Variants in ADGRB3 observed in about 807,000 individuals in gnomAD.
ADGRB3 encodes adhesion G protein-coupled receptor B3, also known as brain-specific angiogenesis inhibitor 3.
A neutral mutation model predicts 193.4 loss-of-function variants in ADGRB3; 37 were observed. The ratio of observed to expected loss-of-function variants is 0.19; its 90% CI spans 0.15 to 0.25. The LOEUF (loss-of-function observed/expected upper bound fraction) is 0.25, where lower values mean the gene tolerates loss of function less well. Among genes scored for constraint, ADGRB3 ranks in the 10% least tolerant of loss-of-function variants. ADGRB3 has a pLI of 1.00. For synonymous variants in ADGRB3, 690 were observed against 644.2 expected (o/e 1.07, Z -1.08); for missense variants, 1,637 against 1,852.9 (o/e 0.88, Z 2.14).
chr6:68,914,012 G>A (rs1436949258), intron 3 of ADGRB3, among the ~76,000 whole-genome samples: 3 of 151,108 alleles, frequency 2.0e-5, no homozygotes, highest in African/African-American at 4.9e-5. Flanking sequence ...AAAAAGAAAC[G>A]AACAAAGCCT....
chr6:68,832,365 C>A (rs1289888577), intron 3 of ADGRB3, among the ~76,000 whole-genome samples: 1 of 151,484 alleles, frequency 6.6e-6, no homozygotes, highest in South Asian at 2.1e-4. Context: ...TCATTTTTTT[C>A]TTTGCTTCAT....
intron 3 of ADGRB3, among the ~76,000 whole-genome samples, chr6:68,842,580 C>G: frequency 6.6e-6 from 1 of 151,848 alleles, no homozygotes; most frequent in East Asian, 1.9e-4. Context: ...CTGCATTTTA[C>G]AAAACATTTA....
At chr6:69,004,356 A>G (rs1582386679) in intron 11 of ADGRB3, among the ~76,000 whole-genome samples, 1 of 149,064 alleles carries the variant, frequency 6.7e-6, no homozygotes, top group African/African-American at 2.5e-5. Context: ...CTTTTTCTCT[A>G]CACACTTGCA....
intron 3 of ADGRB3, among the ~76,000 whole-genome samples, chr6:68,723,113 C>T (rs1249125803): frequency 2.0e-5 from 3 of 151,630 alleles, no homozygotes; most frequent in African/African-American, 7.3e-5. Flanking sequence ...GATTTTCTGC[C>T]AAGCTAAGCA....
intron 3 of ADGRB3, among the ~76,000 whole-genome samples, chr6:68,676,860 C>A (rs749721015): frequency 9.9e-5 from 15 of 152,008 alleles, no homozygotes; most frequent in Non-Finnish European, 2.2e-4. Flanking sequence ...AAGTGACTAG[C>A]TTCTTGAAAA....
intron 3 of ADGRB3, among the ~76,000 whole-genome samples, chr6:68,801,640 G>A (rs1767313798): frequency 6.6e-6 from 1 of 152,114 alleles, no homozygotes. Context: ...GGTGAGCTGA[G>A]ATCCTGCCAT....
chr6:69,110,975 C>G (rs151118909), intron 17 of ADGRB3, among the ~76,000 whole-genome samples: 6 of 152,248 alleles, frequency 3.9e-5, no homozygotes, highest in African/African-American at 1.4e-4. Flanking sequence ...CACCATTATT[C>G]AGAATATAAA....
At chr6:68,726,159 T>C (rs963462177) in intron 3 of ADGRB3, among the ~76,000 whole-genome samples, 19 of 151,670 alleles carry the variant, frequency 1.3e-4, no homozygotes, top group Non-Finnish European at 1.5e-5. Context: ...AAATATTGTA[T>C]GCTGGAAAAT....
chr6:69,273,157 T>C (rs956013967), intron 20 of ADGRB3, among the ~76,000 whole-genome samples: 3 of 152,162 alleles, frequency 2.0e-5, no homozygotes, highest in African/African-American at 7.2e-5. Flanking sequence ...CGCCTTGGCC[T>C]CCCAAAGTGC....
intron 3 of ADGRB3, among the ~76,000 whole-genome samples, chr6:68,684,527 G>A (rs1313280052): frequency 1.3e-5 from 2 of 151,900 alleles, no homozygotes; most frequent in African/African-American, 4.8e-5. Context: ...TTTTATAATG[G>A]GGTCACTGAA....
intron 17 of ADGRB3, among the ~76,000 whole-genome samples, chr6:69,090,638 TAGGGG>T (rs1772678997): frequency 6.6e-6 from 1 of 152,200 alleles, no homozygotes; most frequent in African/African-American, 2.4e-5. Flanking sequence ...TTGTAATCTG[TAGGGG>T]AAATGTTAGA....
intron 3 of ADGRB3, among the ~76,000 whole-genome samples, chr6:68,707,230 T>G (rs528493123): frequency 5.3e-5 from 8 of 152,296 alleles, no homozygotes; most frequent in African/African-American, 1.9e-4. Context: ...TTGGACTGAT[T>G]GTCTAATGGA....
intron 3 of ADGRB3, among the ~76,000 whole-genome samples, chr6:68,811,882 TA>T (rs1471113578): frequency 6.6e-6 from 1 of 152,188 alleles, no homozygotes; most frequent in East Asian, 1.9e-4. Context: ...CATATACACT[TA>T]TATACACACA....
Position 69,011,461 on chromosome 6 carries a change from A to C in ADGRB3, c.1930-2577A>C, listed in dbSNP as rs550277296. Among the ~76,000 whole-genome samples, 3 of 151,936 alleles carry C rather than the reference A, an allele frequency of 2.0e-5. No individual in the cohort carries two copies. The East Asian group carries it at 5.8e-4, about 30-fold the overall frequency. On this transcript the variant is annotated intron_variant, in intron 11 of 31. Coordinates refer to ENST00000370598, the MANE Select transcript of ADGRB3 (RefSeq NM_001704.3). ...GCACATAAAAATGGCAAAAATAGACACTGGGGACTAATAGAGTGGGGAGGG... is the reference window on the plus strand; with the variant it reads ...GCACATAAAAATGGCAAAAATAGACCCTGGGGACTAATAGAGTGGGGAGGG...
At chr6:68,783,615 G>A (rs936109780) in intron 3 of ADGRB3, among the ~76,000 whole-genome samples, 10 of 151,626 alleles carry the variant, frequency 6.6e-5, no homozygotes, top group Non-Finnish European at 1.2e-4. Context: ...ATCTGTTGGA[G>A]GGATAGTATG....
chr6:68,742,414 GA>G (rs142459846), intron 3 of ADGRB3, among the ~76,000 whole-genome samples: 15,221 of 151,728 alleles, frequency 0.1, 1,013 homozygotes, highest in Middle Eastern at 0.27. Context: ...TGACAGAGGG[GA>G]AAAAGAAAAA....
intron 3 of ADGRB3, among the ~76,000 whole-genome samples, chr6:68,882,825 T>A (rs1268680387): frequency 6.6e-6 from 1 of 152,202 alleles, no homozygotes; most frequent in Non-Finnish European, 1.5e-5. Flanking sequence ...TAATGGTTAT[T>A]TCCCTGGAAG....
intron 3 of ADGRB3, among the ~76,000 whole-genome samples, chr6:68,788,105 G>A (rs1767015582): frequency 6.6e-6 from 1 of 152,076 alleles, no homozygotes; most frequent in Admixed American, 6.5e-5. Flanking sequence ...CAAAAAACCA[G>A]CTCCTGGATT....
intron 16 of ADGRB3, among the ~76,000 whole-genome samples, chr6:69,065,929 TA>T (rs536767152): frequency 6.6e-4 from 100 of 152,112 alleles, no homozygotes; most frequent in South Asian, 1.5e-3. Flanking sequence ...AAATATAGTA[TA>T]AAAACTATTT....
Sources: allele counts gnomAD v4.1 joint callset (sites outside exome capture counted in the v4.1 genomes callset), GRCh38; gene constraint gnomAD v4.1.1; transcripts MANE v1.5; gene names NCBI Gene and HGNC (gene_info 2026-07-23, HGNC 2026-07-21).